The following ACOT11 variants were observed in gnomAD, a reference collection of about 807,000 sequenced individuals.
The protein encoded by ACOT11 is acyl-CoA thioesterase 11.
A neutral mutation model predicts 77.5 loss-of-function variants in ACOT11; 69 were observed. That is an observed-to-expected ratio of 0.89 (90% CI 0.73 to 1.09). ACOT11 has a LOEUF of 1.09. ACOT11 is among the 50% of genes least tolerant of loss of function. ACOT11 has a pLI of 0.00. For synonymous variants in ACOT11, 279 were observed against 313.0 expected (o/e 0.89, Z 1.15); for missense variants, 766 against 813.7 (o/e 0.94, Z 0.71).
chr1:54,554,345 A>ATTTT (rs1653181620), intron 1 of ACOT11, among the ~76,000 whole-genome samples: 1 of 100,530 alleles, frequency 9.9e-6, no homozygotes. Context: ...ATATATATAT[A>ATTTT]TATATATTTT....
At chr1:54,563,137 G>T (rs925293346) in intron 1 of ACOT11, among the ~76,000 whole-genome samples, 2 of 152,210 alleles carry the variant, frequency 1.3e-5, no homozygotes, top group African/African-American at 4.8e-5. Flanking sequence ...CTGGCGCGGC[G>T]GCAAAGACTC....
chr1:54,602,948 A>G (rs1350502689), intron 10 of ACOT11, among the ~76,000 whole-genome samples: 2 of 152,222 alleles, frequency 1.3e-5, no homozygotes, highest in Non-Finnish European at 2.9e-5. Flanking sequence ...GGGACACACA[A>G]ATATCATCAG....
intron 13 of ACOT11, 151 bp downstream of exon 13, chr1:54,605,360 A>T: frequency 1.1e-5 from 15 of 1,316,588 alleles, no homozygotes; most frequent in African/African-American, 1.5e-5. Flanking sequence ...GTTCAGGGTC[A>T]TGGGTATTTT....
intron 1 of ACOT11, among the ~76,000 whole-genome samples, chr1:54,559,387 G>A (rs532043903): frequency 3.3e-5 from 5 of 152,286 alleles, no homozygotes; most frequent in East Asian, 1.9e-4. Flanking sequence ...CTGGCATCCC[G>A]GGAGCCTTCG....
At chr1:54,571,400 C>T (rs925966648) in intron 1 of ACOT11, among the ~76,000 whole-genome samples, 2 of 152,196 alleles carry the variant, frequency 1.3e-5, no homozygotes, top group Non-Finnish European at 2.9e-5. Flanking sequence ...GATAGGGCTA[C>T]TTTGCAGCCA....
chr1:54,619,835 C>G, intron 15 of ACOT11: 1 of 1,611,084 alleles, frequency 6.2e-7, no homozygotes, highest in African/African-American at 1.3e-5. Context: ...CTTGCCCTGG[C>G]CTGCCTCAGT....
intron 15 of ACOT11, among the ~76,000 whole-genome samples, chr1:54,615,413 G>C (rs1644162403): frequency 6.6e-6 from 1 of 152,140 alleles, no homozygotes; most frequent in African/African-American, 2.4e-5. Flanking sequence ...TAAAAGAGAG[G>C]CGTGGCATGA....
At chr1:54,568,326 G>C (rs1196913032) in intron 1 of ACOT11, among the ~76,000 whole-genome samples, 4 of 146,606 alleles carry the variant, frequency 2.7e-5, no homozygotes, top group Admixed American at 2.7e-4. Flanking sequence ...CATGTGAGAA[G>C]ACACTATGTC....
In ACOT11 at chr1:54,609,594, G is replaced by T. The variant is rs768857868; in HGVS notation, c.*482G>T. On this transcript the variant is annotated 3_prime_UTR_variant, in exon 16 of 16. Transcript: ENST00000343744. Reference sequence around the variant, plus strand: ...CCCAGCACCTCCTCAGGCCAGCCTGGTGCCACAGTCACGTGGGGGAAGACC... The same window carrying T: ...CCCAGCACCTCCTCAGGCCAGCCTGTTGCCACAGTCACGTGGGGGAAGACC... 1 of 1,613,114 alleles carries T rather than the reference G, an allele frequency of 6.2e-7. No homozygotes were observed. The highest frequency in any genetic ancestry group is 1.7e-5 in the Admixed American group (1 of 60,016).
At chr1:54,634,475 T>C (rs1644319648) in intron 16 of ACOT11, among the ~76,000 whole-genome samples, 2 of 152,206 alleles carry the variant, frequency 1.3e-5, no homozygotes, top group Non-Finnish European at 2.9e-5. Flanking sequence ...TCATATGTGG[T>C]TCATTCCACA....
intron 15 of ACOT11, among the ~76,000 whole-genome samples, chr1:54,626,288 A>C (rs994760645): frequency 6.6e-6 from 1 of 151,930 alleles, no homozygotes; most frequent in Non-Finnish European, 1.5e-5. Context: ...GAAAAGAAAA[A>C]AGAGAAAAGA....
rs1210829306 is a variant in ACOT11 at position 54,604,337 on chromosome 1, C to T, written c.1153-9C>T. The T allele has an allele frequency of 2.5e-6, 4 of 1,613,114 alleles. No individual in the cohort carries two copies. The African/African-American group carries it at 5.3e-5, about 22-fold the overall frequency. ...GTGGGGTAGTGGTAGCACCTGTGTA[C>T]TCTTTCAGGTGTACCTGAGCTACAA... On this transcript the variant is annotated splice_polypyrimidine_tract_variant and intron_variant, in intron 11 of 15. Transcript: ENST00000343744.
At position 54,621,160 on chromosome 1, in the gene ACOT11, CAAA is replaced by C. The variant is rs55905389; in HGVS notation, c.1630-9561_1630-9559del. Among the ~76,000 whole-genome samples, 15 of 107,984 alleles carry C rather than the reference CAAA, an allele frequency of 1.4e-4. No individual in the cohort carries two copies. In the East Asian group the frequency reaches 3.6e-3, roughly 26 times the overall value. 70.8% of individuals were successfully genotyped at this position (107,984 alleles called of 152,430 possible). On this transcript the variant is annotated intron_variant, in intron 15 of 16. Transcript: ENST00000371316. ...TGGGTGACACAGTGAGACACTGTCT[CAAA>C]AAAAAAAAAAAACCTGCGCGCGGCG...
chr1:54,588,333 C>A (rs561442852), intron 3 of ACOT11, among the ~76,000 whole-genome samples: 8 of 152,324 alleles, frequency 5.3e-5, no homozygotes, highest in Non-Finnish European at 1.2e-4. Context: ...AATACTGATA[C>A]ATTATTTTGA....
At chr1:54,610,923 T>G (rs972368477), downstream of ACOT11, 72 of 985,358 alleles carry the variant, frequency 7.3e-5, no homozygotes, top group African/African-American at 1.0e-3. Context: ...GGGGTTTGGA[T>G]AGTGGCATCT....
intron 1 of ACOT11, among the ~76,000 whole-genome samples, chr1:54,568,330 C>G (rs1274758969): frequency 6.8e-6 from 1 of 146,908 alleles, no homozygotes; most frequent in Admixed American, 6.8e-5. Flanking sequence ...TGAGAAGACA[C>G]TATGTCTGTT....
intron 15 of ACOT11, chr1:54,623,706 T>G: frequency 3.9e-6 from 1 of 255,036 alleles, no homozygotes; most frequent in Non-Finnish European, 7.5e-6. Flanking sequence ...CCCCGACCCC[T>G]GGCTGTCTGC....
downstream of ACOT11, chr1:54,610,955 G>A: frequency 1.0e-6 from 1 of 985,446 alleles, no homozygotes; most frequent in Non-Finnish European, 1.2e-6. Context: ...AATGAATACA[G>A]TGGAGGCCTC....
At chr1:54,596,167 G>C in intron 6 of ACOT11, among the ~76,000 whole-genome samples, 1 of 151,990 alleles carries the variant, frequency 6.6e-6, no homozygotes, top group East Asian at 1.9e-4. Context: ...CTCTTGACCT[G>C]CTGCAGCTCC....
Sources: allele counts gnomAD v4.1 joint callset (sites outside exome capture counted in the v4.1 genomes callset), GRCh38; gene constraint gnomAD v4.1.1; transcripts MANE v1.5; gene names NCBI Gene and HGNC (gene_info 2026-07-23, HGNC 2026-07-21).